COL28A1: variants seen among roughly 807,000 people sequenced by gnomAD.
The protein encoded by COL28A1 is collagen alpha-1(XXVIII) chain.
In COL28A1, 161 loss-of-function variants were observed where a neutral mutation model predicts 150.2. The observed-to-expected ratio is 1.07, with a 90% CI of 0.94 to 1.22. The LOEUF (loss-of-function observed/expected upper bound fraction) is 1.22. Among genes scored for constraint, COL28A1 ranks in the 50% most tolerant of loss-of-function variants. The pLI is 0.00. For synonymous variants in COL28A1, 552 were observed against 469.7 expected (o/e 1.18, Z -2.26); for missense variants, 1,617 against 1,388.3 (o/e 1.16, Z -2.62).
rs188476100 is a variant in COL28A1, at chr7:7,463,105, T to C, written c.1303-6993A>G. ...GAGAAATCTAAAAGTTTGAAAAATA[T>C]ATTTGGAGGAATAATCGAGGAAAAC... On this transcript the variant is annotated intron_variant, in intron 15 of 34. Coordinates refer to ENST00000399429, the MANE Select transcript of COL28A1 (RefSeq NM_001037763.3). Among the ~76,000 whole-genome samples, 176 of 152,064 alleles carry C rather than the reference T, an allele frequency of 1.2e-3. 1 individual carries two copies. The highest frequency in any genetic ancestry group is 4.1e-3 in the African/African-American group (169 of 41,512).
At chr7:7,347,141 A>G in the COL28A1 span, among the ~76,000 whole-genome samples, 3 of 152,202 alleles carry the variant, frequency 2.0e-5, no homozygotes, top group South Asian at 6.2e-4. Flanking sequence ...CAAAAAAAAC[A>G]ATGTATATGA....
At chr7:7,517,062 G>A (rs899836160) in intron 7 of COL28A1, among the ~76,000 whole-genome samples, 20 of 152,124 alleles carry the variant, frequency 1.3e-4, no homozygotes, top group African/African-American at 4.8e-4. Flanking sequence ...TGCTTTATAT[G>A]TAGAATATAC....
chr7:7,374,158 G>C (rs998943583), intron 31 of COL28A1, among the ~76,000 whole-genome samples: 1 of 151,704 alleles, frequency 6.6e-6, no homozygotes, highest in Non-Finnish European at 1.5e-5. Flanking sequence ...AGGATGCCCT[G>C]TGGATGCCGT....
intron 12 of COL28A1, among the ~76,000 whole-genome samples, chr7:7,489,881 C>T (rs1227459130): frequency 6.6e-6 from 1 of 150,558 alleles, no homozygotes; most frequent in Non-Finnish European, 1.5e-5. Context: ...TCATCTCCTC[C>T]AGAAAACTTC....
At chr7:7,378,141 C>T (rs1327762913) in intron 30 of COL28A1, among the ~76,000 whole-genome samples, 1 of 152,024 alleles carries the variant, frequency 6.6e-6, no homozygotes, top group Non-Finnish European at 1.5e-5. Flanking sequence ...ATTGTCCGGG[C>T]AGGAGGCAGA....
At chr7:7,383,730 G>A (rs563711350) in intron 27 of COL28A1, among the ~76,000 whole-genome samples, 16 of 125,326 alleles carry the variant, frequency 1.3e-4, no homozygotes, top group African/African-American at 4.0e-4. Flanking sequence ...TTTGTTGATC[G>A]TCTCTCTGCT....
At chr7:7,345,594 TA>T in the COL28A1 span, among the ~76,000 whole-genome samples, 1 of 152,132 alleles carries the variant, frequency 6.6e-6, no homozygotes, top group Non-Finnish European at 1.5e-5. Flanking sequence ...ATCTTCATTT[TA>T]AAAGAACAGT....
Position 7,531,480 on chromosome 7 carries a change from T to C in COL28A1, c.549A>G (p.Ile183Met). Residue 183 changes from isoleucine to methionine, a missense_variant, in exon 3 of 35, where the codon ATA becomes ATG. Transcript: ENST00000399429. The part of the protein sequence containing the change: ...SISEDARISG[I>M]SFITIALSTV... Reference sequence around the variant, plus strand: ...TAGAAAGTGCAATGGTGATAAATGATATTCCTGAAATTCTGGCATCTTCAG... The same window carrying C: ...TAGAAAGTGCAATGGTGATAAATGACATTCCTGAAATTCTGGCATCTTCAG... 6.2e-7 allele frequency: 1 copy of C among 1,605,132 alleles called. No individual in the cohort carries two copies.
At chr7:7,429,304 A>G (rs372145042) in intron 25 of COL28A1, among the ~76,000 whole-genome samples, 48 of 152,192 alleles carry the variant, frequency 3.2e-4, no homozygotes, top group South Asian at 2.5e-3. Context: ...TGCCATGGAC[A>G]ATTTTTGGTA....
At chr7:7,465,598 C>T (rs1788024152) in intron 15 of COL28A1, among the ~76,000 whole-genome samples, 1 of 135,050 alleles carries the variant, frequency 7.4e-6, no homozygotes, top group South Asian at 2.5e-4. Context: ...TGGGTGGAGC[C>T]CACTACAGCT....
At chr7:7,486,643 C>T (rs73350128) in intron 13 of COL28A1, among the ~76,000 whole-genome samples, 3,906 of 152,192 alleles carry the variant, frequency 0.026, 147 homozygotes, top group African/African-American at 0.088. Flanking sequence ...GATTTATCAG[C>T]GTTTATTAGG....
chr7:7,403,185 G>A (rs1216800524), intron 27 of COL28A1, among the ~76,000 whole-genome samples: 1 of 146,932 alleles, frequency 6.8e-6, no homozygotes, highest in Non-Finnish European at 1.5e-5. Flanking sequence ...GGGGTGAAAG[G>A]GATCTTTCCA....
chr7:7,533,460 A>G (rs1782480602), intron 1 of COL28A1, among the ~76,000 whole-genome samples: 1 of 152,148 alleles, frequency 6.6e-6, no homozygotes, highest in Non-Finnish European at 1.5e-5. Flanking sequence ...GTTTCCATAG[A>G]ACCCCATCTC....
At chr7:7,481,686 G>A (rs1231662424) in intron 13 of COL28A1, among the ~76,000 whole-genome samples, 3 of 152,096 alleles carry the variant, frequency 2.0e-5, no homozygotes, top group South Asian at 2.1e-4. Flanking sequence ...GATGAAATAC[G>A]ATTGTCCATT....
At chr7:7,475,402 T>C (rs1788780477) in intron 14 of COL28A1, among the ~76,000 whole-genome samples, 1 of 152,180 alleles carries the variant, frequency 6.6e-6, no homozygotes. Flanking sequence ...AGTTGGGGAA[T>C]GAAATATTCT....
intron 33 of COL28A1, among the ~76,000 whole-genome samples, chr7:7,366,925 G>A (rs983038654): frequency 2.0e-5 from 3 of 152,196 alleles, no homozygotes; most frequent in Non-Finnish European, 4.4e-5. Context: ...ATGCACAGAG[G>A]CATAAATATG....
At chr7:7,462,027 G>C (rs2128339021) in intron 15 of COL28A1, among the ~76,000 whole-genome samples, 1 of 152,236 alleles carries the variant, frequency 6.6e-6, no homozygotes, top group South Asian at 2.1e-4. Flanking sequence ...ATGGCTGAGG[G>C]ACCCACAGAC....
intron 11 of COL28A1, among the ~76,000 whole-genome samples, chr7:7,499,195 G>C (rs1472439239): frequency 3.9e-5 from 6 of 152,126 alleles, no homozygotes; most frequent in Non-Finnish European, 8.8e-5. Flanking sequence ...AACAGAAATA[G>C]CATTCAGACT....
At chr7:7,388,480 T>C (rs1173760701) in intron 27 of COL28A1, among the ~76,000 whole-genome samples, 1 of 152,178 alleles carries the variant, frequency 6.6e-6, no homozygotes, top group Non-Finnish European at 1.5e-5. Flanking sequence ...TGTGGGTGCA[T>C]GTGTCTTTAT....
Sources: allele counts gnomAD v4.1 joint callset (sites outside exome capture counted in the v4.1 genomes callset), GRCh38; gene constraint gnomAD v4.1.1; transcripts MANE v1.5; gene names NCBI Gene and HGNC (gene_info 2026-07-23, HGNC 2026-07-21).